LIG1: variants seen among roughly 807,000 people sequenced by gnomAD.
LIG1 encodes the protein ligase I, DNA, ATP-dependent.
In LIG1, 70 loss-of-function variants were observed where a neutral mutation model predicts 115.7. The ratio of observed to expected loss-of-function variants is 0.60; its 90% CI spans 0.50 to 0.74. The LOEUF (loss-of-function observed/expected upper bound fraction) is 0.74, where lower values mean the gene tolerates loss of function less well. Ranked by LOEUF, LIG1 falls within the 30% of genes least tolerant of loss-of-function variation. The pLI, the probability that LIG1 is intolerant of heterozygous loss-of-function variation, is 0.00. For synonymous variants in LIG1, 487 were observed against 495.3 expected (o/e 0.98, Z 0.22); for missense variants, 1,115 against 1,225.6 (o/e 0.91, Z 1.35).
At chr19:48,123,634 T>C (rs1166884921) in intron 21 of LIG1, 1 of 401,564 alleles carries the variant, frequency 2.5e-6, no homozygotes, top group Non-Finnish European at 4.7e-6. Context: ...TTTTGTTTTT[T>C]TGAGACGGAA....
intron 18 of LIG1, 26 bp from the exon 19 acceptor site, chr19:48,131,197 A>C: frequency 3.8e-6 from 6 of 1,578,720 alleles, no homozygotes; most frequent in Non-Finnish European, 4.4e-6. Context: ...AAGGGAGGGG[A>C]AATCAGCTGA....
intron 2 of LIG1, among the ~76,000 whole-genome samples, chr19:48,164,998 C>T (rs1036821253): frequency 3.3e-5 from 5 of 152,214 alleles, no homozygotes; most frequent in African/African-American, 7.2e-5. Flanking sequence ...CCGTGGCTCA[C>T]GCCTGAAATC....
At chr19:48,139,155 G>C (rs971518043) in intron 12 of LIG1, among the ~76,000 whole-genome samples, 1 of 152,152 alleles carries the variant, frequency 6.6e-6, no homozygotes, top group African/African-American at 2.4e-5. Context: ...AGCCAGACCT[G>C]GTGAGCCTCA....
rs2033265625 is a variant in LIG1 at position 48,121,419 on chromosome 19, G to C, written c.2233-97C>G. ...TCCTCAGTGGACTGAGGAGGGACTA[G>C]AAGTAAGTCTGAAGGGAACTTCCAG... On this transcript the variant is annotated intron_variant, in intron 23 of 27. Transcript: ENST00000263274. 5.8e-6 allele frequency: 7 copies of C among 1,208,220 alleles called. No individual in the cohort carries two copies. In the South Asian group the frequency reaches 1.1e-4, roughly 20 times the overall value. The allele number at this position is 1,208,220 out of a possible 1,614,324, so 74.8% of individuals were successfully genotyped here.
intron 2 of LIG1, among the ~76,000 whole-genome samples, chr19:48,164,459 G>A (rs550827353): frequency 1.3e-5 from 2 of 152,280 alleles, no homozygotes; most frequent in Admixed American, 6.5e-5. Flanking sequence ...CAGTACACAC[G>A]ATTTGAGTGG....
At chr19:48,164,295 C>T (rs150124065) in intron 2 of LIG1, among the ~76,000 whole-genome samples, 2 of 152,292 alleles carry the variant, frequency 1.3e-5, no homozygotes, top group East Asian at 3.9e-4. Context: ...TTCCTCATCA[C>T]GGGAGAAAAA....
chr19:48,117,714 A>T lies in LIG1; in HGVS notation c.2507T>A (p.Leu836Gln). The T allele has an allele frequency of 6.2e-7, 1 of 1,613,120 alleles. No individual in the cohort carries two copies. Among genetic ancestry groups the T allele is most frequent in the African/African-American group, 1.3e-5 (1 of 75,078 alleles). The change falls in exon 26 of 28, where the codon CTG (leucine) becomes CAG (glutamine). Residue 836 changes from leucine (L) to glutamine (Q), a missense_variant. By Grantham distance (113) the Leu-to-Gln change is moderately radical. Transcript: ENST00000263274. ...IDGAVIPDHW[L>Q]DPSAVWEVKC... ...CACCTCCCACACAGCGCTGGGGTCC[A>T]GCCAGTGGTCGGGAATCACAGCGCC...
At chr19:48,141,007 A>G (rs2034709297) in intron 11 of LIG1, among the ~76,000 whole-genome samples, 1 of 152,230 alleles carries the variant, frequency 6.6e-6, no homozygotes, top group Non-Finnish European at 1.5e-5. Context: ...GGGCAAGGTG[A>G]ACCCACCGGA....
intron 24 of LIG1, 174 bp downstream of exon 24, chr19:48,120,996 A>G: frequency 6.7e-7 from 1 of 1,487,874 alleles, no homozygotes; most frequent in Non-Finnish European, 8.9e-7. Flanking sequence ...CTGTTTTTCT[A>G]TATGAAGCAA....
chr19:48,136,912 C>A, intron 14 of LIG1, 96 bp downstream of exon 14: 1 of 987,564 alleles, frequency 1.0e-6, no homozygotes, highest in Non-Finnish European at 1.6e-6. Context: ...CAAGGATGGT[C>A]AGGGCATTTG....
At chr19:48,155,892 A>G (rs1361467642) in intron 5 of LIG1, among the ~76,000 whole-genome samples, 1 of 152,216 alleles carries the variant, frequency 6.6e-6, no homozygotes, top group Non-Finnish European at 1.5e-5. Flanking sequence ...ACTGAATCAC[A>G]TATTAGCTTT....
chr19:48,137,128 G>A lies in LIG1; in HGVS notation c.1255-44C>T, dbSNP rs1380625637. 2.7e-6 allele frequency: 4 copies of A among 1,462,044 alleles called. No homozygotes were observed. The highest frequency in any genetic ancestry group is 3.8e-6 in the Non-Finnish European group (4 of 1,048,464). The allele number at this position is 1,462,044 out of a possible 1,614,324, so 90.6% of individuals were successfully genotyped here. On this transcript the variant is annotated intron_variant, in intron 13 of 27. Coordinates refer to ENST00000263274, the MANE Select transcript of LIG1 (RefSeq NM_000234.3). The surrounding 1 kb of genome is among the most constrained non-coding windows in gnomAD (Gnocchi z 4.3). ...AGCCGTCAGTGCCTGGTGAAGGCAG[G>A]GACCACACCTCCACCCCACCAGCCG... is the stretch of plus-strand genomic sequence containing the variant.
rs942541795 is a variant in LIG1, at chr19:48,134,169, C to T, written c.1524-103G>A. On this transcript the variant is annotated intron_variant, in intron 16 of 27. Transcript: ENST00000263274. Reference sequence around the variant, plus strand: ...CCCAGAAGCCTGGGCTCCTGGATGCCTCTGCCCACTGAGTCACCACCTGCC... The same window carrying T: ...CCCAGAAGCCTGGGCTCCTGGATGCTTCTGCCCACTGAGTCACCACCTGCC... The T allele has an allele frequency of 6.9e-6, 7 of 1,012,310 alleles. No individual in the cohort carries two copies. The Admixed American group carries it at 1.4e-4, about 21-fold the overall frequency. The allele number at this position is 1,012,310 out of a possible 1,614,324, so 62.7% of individuals were successfully genotyped here.
At chr19:48,129,863 C>A (rs1827031469) in intron 19 of LIG1, among the ~76,000 whole-genome samples, 1 of 152,232 alleles carries the variant, frequency 6.6e-6, no homozygotes, top group Admixed American at 6.5e-5. Context: ...ACAAACGATT[C>A]TCGTGCCTCA....
At position 48,167,825 on chromosome 19, in the gene LIG1, TAAAAAAA is replaced by T. The variant is rs776208781; in HGVS notation, c.-57-2209_-57-2203del. Among the ~76,000 whole-genome samples the T allele has an allele frequency of 4.1e-3, 468 of 113,752 alleles. 10 individuals are homozygous for T. The East Asian group carries it at 0.05, about 12-fold the overall frequency. 74.6% of individuals were successfully genotyped at this position (113,752 alleles called of 152,430 possible). ...TGGGCGACAGAGCGAGACCCCGTCT[TAAAAAAA>T]AAAAAAAAAAAAAAAAAACAAACAA... is the stretch of plus-strand genomic sequence containing the variant. On this transcript the variant is annotated intron_variant, in intron 1 of 27. Transcript: ENST00000263274.
At chr19:48,164,742 T>G (rs1263900573) in intron 2 of LIG1, among the ~76,000 whole-genome samples, 1 of 152,176 alleles carries the variant, frequency 6.6e-6, no homozygotes, top group African/African-American at 2.4e-5. Flanking sequence ...TCCAGCAGGT[T>G]TCAATGATAT....
intron 26 of LIG1, among the ~76,000 whole-genome samples, chr19:48,117,193 T>A (rs2032904315): frequency 6.6e-6 from 1 of 152,054 alleles, no homozygotes; most frequent in Non-Finnish European, 1.5e-5. Flanking sequence ...AGAGTCTTGC[T>A]TTGTCACCCA....
intron 1 of LIG1, among the ~76,000 whole-genome samples, chr19:48,166,015 T>C (rs2386522): frequency 0.48 from 72,976 of 152,038 alleles, 17,748 homozygotes; most frequent in East Asian, 0.67. Flanking sequence ...TCTACATAAA[T>C]TAGCTCTTGG....
intron 4 of LIG1, among the ~76,000 whole-genome samples, chr19:48,158,180 T>C (rs962452457): frequency 1.3e-5 from 2 of 152,214 alleles, no homozygotes; most frequent in African/African-American, 4.8e-5. Context: ...ATAAACCTCT[T>C]TTCTTTATAA....
Sources: gnomAD v4.1 joint callset for allele counts (sites outside exome capture counted in the v4.1 genomes callset) on GRCh38, gnomAD v4.1.1 for gene constraint, Gnocchi (gnomAD v3.1) non-coding constraint, MANE v1.5 for transcripts, NCBI Gene and HGNC (gene_info 2026-07-23, HGNC 2026-07-21) for gene names.